Variants in PPP1R9A observed in about 807,000 individuals in gnomAD.
PPP1R9A encodes neurabin-1.
In PPP1R9A, 59 loss-of-function variants were observed where a neutral mutation model predicts 141.9. The observed-to-expected ratio is 0.42, with a 90% CI of 0.34 to 0.52. The LOEUF (loss-of-function observed/expected upper bound fraction) is 0.52, where lower values mean the gene tolerates loss of function less well. Among genes scored for constraint, PPP1R9A ranks in the 20% least tolerant of loss-of-function variants. The pLI is 0.10. For synonymous variants in PPP1R9A, 500 were observed against 569.7 expected, an observed-to-expected ratio of 0.88 and a Z score of 1.74; for missense variants, 1,444 against 1,611.9, an observed-to-expected ratio of 0.90 and a Z score of 1.78.
intron 7 of PPP1R9A, among the ~76,000 whole-genome samples, chr7:95,213,380 A>T (rs1792566271): frequency 7.5e-6 from 1 of 133,866 alleles, no homozygotes; most frequent in African/African-American, 2.9e-5. Flanking sequence ...CAGCACATTG[A>T]TGCAATCTTG....
At chr7:95,218,399 A>G (rs1226108023) in intron 7 of PPP1R9A, among the ~76,000 whole-genome samples, 3 of 152,132 alleles carry the variant, frequency 2.0e-5, no homozygotes, top group Admixed American at 6.5e-5. Context: ...TATGTGGTCA[A>G]TTTTGGAATA....
At chr7:95,005,925 A>T (rs1803524533) in intron 2 of PPP1R9A, among the ~76,000 whole-genome samples, 2 of 152,146 alleles carry the variant, frequency 1.3e-5, no homozygotes. Flanking sequence ...AAAAAAATTG[A>T]TGAGAAGAAT....
At chr7:95,219,516 G>A (rs1794084267) in intron 7 of PPP1R9A, among the ~76,000 whole-genome samples, 1 of 152,068 alleles carries the variant, frequency 6.6e-6, no homozygotes, top group South Asian at 2.1e-4. Flanking sequence ...ATGTTGGCCT[G>A]CCTTGCTAGA....
chr7:94,922,884 T>A (rs1317077457), intron 2 of PPP1R9A, among the ~76,000 whole-genome samples: 2 of 152,170 alleles, frequency 1.3e-5, no homozygotes, highest in Non-Finnish European at 2.9e-5. Context: ...TGATCAGCAA[T>A]AACAACATAA....
At chr7:95,275,508 C>T (rs939914805) in intron 16 of PPP1R9A, among the ~76,000 whole-genome samples, 10 of 151,996 alleles carry the variant, frequency 6.6e-5, no homozygotes, top group African/African-American at 2.2e-4. Flanking sequence ...CAGGGTTATG[C>T]AGCAGGCAGT....
At chr7:95,074,239 A>G (rs185195325) in intron 2 of PPP1R9A, among the ~76,000 whole-genome samples, 1 of 152,268 alleles carries the variant, frequency 6.6e-6, no homozygotes, top group African/African-American at 2.4e-5. Context: ...TTTTTATGTA[A>G]GAGAATATAA....
Position 95,250,199 on chromosome 7 carries a change from G to A in PPP1R9A, c.2340G>A (p.Gln780=). 6 of 1,613,626 alleles carry A rather than the reference G, an allele frequency of 3.7e-6. No individual in the cohort carries two copies. The highest frequency in any genetic ancestry group is 5.1e-6 in the Non-Finnish European group (6 of 1,179,856). The part of the protein sequence containing the change: ...EHLKETQSQY[Q]ALEKKYNKAK... ...TCAAAGAGACTCAAAGCCAGTATCA[G>A]GCCTTGGAAAAGAAATACAACAAGG... The change falls in exon 10 of 20, where the codon CAG becomes CAA. Residue 780 remains glutamine (Q), a synonymous_variant. Transcript: ENST00000433360.
rs562097448 is a variant in PPP1R9A, at chr7:95,079,494, G to C, written c.1396-31765G>C. On this transcript the variant is annotated intron_variant, in intron 2 of 19. Transcript: ENST00000433360. Reference sequence around the variant, plus strand: ...TCCAGGACCAGATGGATTCACAGCCGAATTCTACCAGAGGTACAAGGAGGA... The same window carrying C: ...TCCAGGACCAGATGGATTCACAGCCCAATTCTACCAGAGGTACAAGGAGGA... Among the ~76,000 whole-genome samples the C allele has an allele frequency of 4.6e-5, 7 of 151,840 alleles. No homozygotes were observed. In the East Asian group the frequency reaches 1.2e-3, roughly 25 times the overall value.
intron 16 of PPP1R9A, among the ~76,000 whole-genome samples, chr7:95,277,913 T>C (rs761851619): frequency 1.1e-4 from 16 of 152,246 alleles, no homozygotes; most frequent in Non-Finnish European, 2.1e-4. Context: ...AAGTTTCCAG[T>C]GTAGTCACGG....
In PPP1R9A at chr7:95,226,017, C is replaced by A. The variant is rs756805944; in HGVS notation, c.2013C>A (p.Gly671=). Residue 671 remains glycine, a synonymous_variant, in exon 8 of 20, where the codon GGC becomes GGA. Transcript: ENST00000433360. ...ATGAGGTAGGACCTGTCCTTCCTGG[C>A]AGCGACATGGCCATTGAAGTCTTTG... ...EEDEVGPVLP[G]SDMAIEVFEL... 6.2e-6 allele frequency: 10 copies of A among 1,613,362 alleles called. No homozygotes were observed. The African/African-American group carries it at 1.3e-4, about 22-fold the overall frequency.
chr7:95,188,277 T>C (rs542003689), intron 5 of PPP1R9A, among the ~76,000 whole-genome samples: 114 of 152,332 alleles, frequency 7.5e-4, no homozygotes, highest in Non-Finnish European at 1.4e-3. Context: ...TTAAAGTCTG[T>C]TTTGTCTGAT....
At chr7:94,979,059 A>G (rs1799791331) in intron 2 of PPP1R9A, among the ~76,000 whole-genome samples, 1 of 152,196 alleles carries the variant, frequency 6.6e-6, no homozygotes, top group South Asian at 2.1e-4. Context: ...GGCCCCACAA[A>G]GTGCTGGGAT....
At chr7:95,006,339 C>A (rs1023847787) in intron 2 of PPP1R9A, among the ~76,000 whole-genome samples, 2 of 151,564 alleles carry the variant, frequency 1.3e-5, no homozygotes, top group African/African-American at 4.8e-5. Flanking sequence ...TGCTTCAGCT[C>A]CCCGAGTAGC....
chr7:95,205,708 G>T (rs1790642140), intron 7 of PPP1R9A, among the ~76,000 whole-genome samples: 1 of 152,084 alleles, frequency 6.6e-6, no homozygotes, highest in African/African-American at 2.4e-5. Flanking sequence ...ACCTTTCAGG[G>T]TTCCATTTAA....
At position 95,229,066 on chromosome 7, in the gene PPP1R9A, A is replaced by G. The variant is rs987362911; in HGVS notation, c.2112+2950A>G. 5.3e-5 allele frequency among the ~76,000 whole-genome samples: 8 copies of G among 152,192 alleles called. No individual in the cohort carries two copies. In the South Asian group the frequency reaches 8.3e-4, roughly 16 times the overall value. ...TACAATGAGCAATGAAGGTTGCCAC[A>G]GCACTCCAGCCTGAGTGACAGAACC... On this transcript the variant is annotated intron_variant, in intron 8 of 19. Transcript: ENST00000433360.
chr7:95,084,044 A>G (rs1440339231), intron 2 of PPP1R9A, among the ~76,000 whole-genome samples: 1 of 152,098 alleles, frequency 6.6e-6, no homozygotes, highest in Non-Finnish European at 1.5e-5. Flanking sequence ...TATGCTAGAA[A>G]ACAAGGCAAA....
chr7:95,043,030 G>A lies in PPP1R9A; in HGVS notation c.1396-68229G>A, dbSNP rs116640743. Reference sequence around the variant, plus strand: ...TTCTCCACACAAGTAAGATACATATGGAAAATTTGCTACTATGCAGTCCCT... The same window carrying A: ...TTCTCCACACAAGTAAGATACATATAGAAAATTTGCTACTATGCAGTCCCT... On this transcript the variant is annotated intron_variant, in intron 2 of 19. Coordinates refer to ENST00000433360, the MANE Select transcript of PPP1R9A (RefSeq NM_001166160.2). Among the ~76,000 whole-genome samples the A allele has an allele frequency of 3.8e-3, 577 of 152,172 alleles. 6 individuals are homozygous for A. Among genetic ancestry groups the A allele is most frequent in the African/African-American group, 0.013 (545 of 41,556 alleles).
intron 2 of PPP1R9A, among the ~76,000 whole-genome samples, chr7:95,031,763 C>CA (rs778376536): frequency 0.017 from 1,167 of 69,950 alleles, 14 homozygotes; most frequent in African/African-American, 0.049. Context: ...GATTCAGTTT[C>CA]AAAAAAAAAA....
chr7:95,236,171 G>T (rs899730989), intron 8 of PPP1R9A, among the ~76,000 whole-genome samples: 7 of 152,040 alleles, frequency 4.6e-5, no homozygotes, highest in African/African-American at 1.2e-4. Context: ...CTGCCACAAA[G>T]ATTATATTTG....
Sources: allele counts gnomAD v4.1 joint callset (sites outside exome capture counted in the v4.1 genomes callset), GRCh38; gene constraint gnomAD v4.1.1; transcripts MANE v1.5; gene names NCBI Gene and HGNC (gene_info 2026-07-23, HGNC 2026-07-21).